The following TOX variants were observed in gnomAD, a reference collection of about 807,000 sequenced individuals.
TOX encodes the protein thymocyte selection associated high mobility group box.
TOX carries 11 observed loss-of-function variants against 53.7 expected under a neutral mutation model. The observed-to-expected ratio is 0.20, with a 90% CI of 0.13 to 0.34. The LOEUF (loss-of-function observed/expected upper bound fraction) is 0.34. Among genes scored for constraint, TOX ranks in the 10% least tolerant of loss-of-function variants. The pLI is 1.00. For missense variants in TOX, 570 were observed against 664.6 expected (o/e 0.86, Z 1.56); for synonymous variants, 225 against 245.3 (o/e 0.92, Z 0.77).
intron 3 of TOX, among the ~76,000 whole-genome samples, chr8:58,893,574 T>A (rs1192226275): frequency 6.6e-6 from 1 of 152,234 alleles, no homozygotes; most frequent in African/African-American, 2.4e-5. Context: ...GCAATTATTA[T>A]ATTTTTGGCA....
chr8:59,026,901 GAA>G (rs58806202), intron 1 of TOX, among the ~76,000 whole-genome samples: 2,154 of 136,100 alleles, frequency 0.016, 47 homozygotes, highest in African/African-American at 0.047. Flanking sequence ...AGAGAGAAAG[GAA>G]AAAAAAAAAA....
chr8:58,940,570 G>A (rs182018433), intron 2 of TOX, among the ~76,000 whole-genome samples: 17 of 152,240 alleles, frequency 1.1e-4, no homozygotes, highest in African/African-American at 3.1e-4. Context: ...GAAACGTTTC[G>A]GTCCAGATAA....
At chr8:59,059,225 TC>T (rs1157294339) in intron 1 of TOX, among the ~76,000 whole-genome samples, 4 of 152,152 alleles carry the variant, frequency 2.6e-5, no homozygotes, top group Non-Finnish European at 5.9e-5. Flanking sequence ...AAAAACATGA[TC>T]CTTTCTCATT....
chr8:58,995,505 T>C (rs1252130642), intron 1 of TOX, among the ~76,000 whole-genome samples: 1 of 152,228 alleles, frequency 6.6e-6, no homozygotes, highest in Non-Finnish European at 1.5e-5. Flanking sequence ...CCATGAATGT[T>C]ACTTATTATT....
intron 3 of TOX, among the ~76,000 whole-genome samples, chr8:58,896,258 G>A (rs1054044604): frequency 1.3e-5 from 2 of 152,152 alleles, no homozygotes; most frequent in Admixed American, 1.3e-4. Context: ...AATACGGCAA[G>A]AGGGGAAAAC....
intron 1 of TOX, among the ~76,000 whole-genome samples, chr8:59,107,210 A>G (rs1253451209): frequency 1.3e-5 from 2 of 152,164 alleles, no homozygotes; most frequent in African/African-American, 2.4e-5. Flanking sequence ...AATATGTAGC[A>G]TGTTAGAAAT....
At chr8:58,910,932 A>T (rs4737527) in intron 3 of TOX, among the ~76,000 whole-genome samples, 1 of 152,078 alleles carries the variant, frequency 6.6e-6, no homozygotes. Context: ...CAGAACATGC[A>T]CCTCGGATAA....
chr8:58,897,414 C>T (rs373540660), intron 3 of TOX, among the ~76,000 whole-genome samples: 105 of 152,276 alleles, frequency 6.9e-4, no homozygotes, highest in Middle Eastern at 3.4e-3. Flanking sequence ...TTTTAGGACA[C>T]GTCCAGGAGG....
intron 3 of TOX, among the ~76,000 whole-genome samples, chr8:58,898,208 T>G (rs1224850547): frequency 2.0e-5 from 3 of 152,204 alleles, no homozygotes; most frequent in Non-Finnish European, 4.4e-5. Flanking sequence ...CAGTTTTATG[T>G]TCAAGTGGGA....
At chr8:58,945,116 G>C (rs185032701) in intron 2 of TOX, among the ~76,000 whole-genome samples, 1 of 152,144 alleles carries the variant, frequency 6.6e-6, no homozygotes, top group Non-Finnish European at 1.5e-5. Flanking sequence ...TTGCTCCTTC[G>C]GGGAGCTCTG....
At chr8:58,929,833 G>T (rs1175566529) in intron 3 of TOX, among the ~76,000 whole-genome samples, 1 of 152,018 alleles carries the variant, frequency 6.6e-6, no homozygotes, top group African/African-American at 2.4e-5. Flanking sequence ...TGCTACTTCT[G>T]CCCCAAGACT....
At chr8:58,930,911 G>C (rs772030875) in intron 3 of TOX, among the ~76,000 whole-genome samples, 1 of 151,976 alleles carries the variant, frequency 6.6e-6, no homozygotes, top group Non-Finnish European at 1.5e-5. Context: ...TCTTACTTAT[G>C]GACATACTTA....
Position 58,826,875 on chromosome 8 carries a change from T to A in TOX, c.952A>T (p.Lys318Ter). 1 of 1,612,382 alleles carries A rather than the reference T, an allele frequency of 6.2e-7. No individual in the cohort carries two copies. Among genetic ancestry groups the A allele is most frequent in the Non-Finnish European group, 8.5e-7 (1 of 1,179,272 alleles). The change falls in exon 6 of 9, where the codon AAG becomes TAG. Residue 318 changes from lysine to a stop codon, truncating the protein, a stop_gained. Transcript: ENST00000361421. LOFTEE classifies it high-confidence loss of function. ...QVYKKKTEAAKKEYLKQLAAY... is the reference protein window; with the variant it reads ...QVYKKKTEAA The stretch of plus-strand genomic sequence containing the variant: ...GCGAGTTGCTTCAGGTACTCCTTCT[T>A]CGCAGCCTCGGTTTTCTTTTTATAG...
chr8:58,888,017 T>TAGTGTAGCCAGGCTATATAGTGTA, intron 3 of TOX, among the ~76,000 whole-genome samples: 1 of 152,078 alleles, frequency 6.6e-6, no homozygotes, highest in African/African-American at 2.4e-5. Flanking sequence ...TGTAGCCTAT[T>TAGTGTAGCCAGGCTATATAGTGTA]GCTCCTTGTC....
Position 58,808,126 on chromosome 8 carries a change from G to T in TOX, c.1536C>A (p.Cys512Ter). The T allele has an allele frequency of 6.2e-7, 1 of 1,612,976 alleles. No individual in the cohort carries two copies. Among genetic ancestry groups the T allele is most frequent in the Non-Finnish European group, 8.5e-7 (1 of 1,179,444 alleles). The change falls in exon 8 of 9, where the codon TGC becomes TGA. Residue 512 changes from cysteine to a stop codon, truncating the protein, a stop_gained. Coordinates refer to ENST00000361421, the MANE Select transcript of TOX (RefSeq NM_014729.3). LOFTEE classifies it high-confidence loss of function. ...PQPVDWNNDY[C>*]SSGGMQRDKA... The stretch of plus-strand genomic sequence containing the variant: ...GATGACCGGCCGCTTACCCACTACT[G>T]CAGTAGTCGTTATTCCAGTCCACCG...
intron 1 of TOX, among the ~76,000 whole-genome samples, chr8:59,055,892 G>T (rs918271523): frequency 1.3e-5 from 2 of 151,958 alleles, no homozygotes; most frequent in African/African-American, 4.8e-5. Flanking sequence ...ACTTAAACAA[G>T]ACTACAGGGA....
At chr8:59,095,089 T>C (rs1218773332) in intron 1 of TOX, among the ~76,000 whole-genome samples, 1 of 152,244 alleles carries the variant, frequency 6.6e-6, no homozygotes, top group Non-Finnish European at 1.5e-5. Context: ...AACCCTATTA[T>C]GTTCTAAGCA....
intron 3 of TOX, among the ~76,000 whole-genome samples, chr8:58,924,627 C>T (rs775049827): frequency 7.9e-5 from 12 of 152,206 alleles, no homozygotes; most frequent in Non-Finnish European, 1.0e-4. Flanking sequence ...TCCAATAAAC[C>T]GTAATAGGGG....
At chr8:59,075,533 C>T (rs1412760715) in intron 1 of TOX, among the ~76,000 whole-genome samples, 3 of 152,164 alleles carry the variant, frequency 2.0e-5, no homozygotes, top group Non-Finnish European at 2.9e-5. Context: ...TATGGAGGCT[C>T]CCATGCCATA....
Sources: allele counts gnomAD v4.1 joint callset (sites outside exome capture counted in the v4.1 genomes callset), GRCh38; gene constraint gnomAD v4.1.1; transcripts MANE v1.5; gene names NCBI Gene and HGNC (gene_info 2026-07-23, HGNC 2026-07-21).